WWOX: variants seen among roughly 807,000 people sequenced by gnomAD.
WWOX encodes the protein WW domain-containing oxidoreductase.
A neutral mutation model predicts 46.2 loss-of-function variants in WWOX; 69 were observed. The observed-to-expected ratio is 1.49, with a 90% confidence interval of 1.23 to 1.82. WWOX has a LOEUF of 1.82. Ranked by LOEUF, WWOX falls within the 40% of genes most tolerant of loss-of-function variation. The probability of loss-of-function intolerance (pLI) is 0.00; values close to 1 mark genes in which losing one functional copy is unlikely to be tolerated. For synonymous variants in WWOX, 359 were observed against 202.6 expected, an observed-to-expected ratio of 1.77 and a Z score of -6.56; for missense variants, 919 against 542.6, an observed-to-expected ratio of 1.69 and a Z score of -6.89.
intron 8 of WWOX, among the ~76,000 whole-genome samples, chr16:78,710,661 C>T (rs2048426079): frequency 6.6e-6 from 1 of 150,510 alleles, no homozygotes; most frequent in Non-Finnish European, 1.5e-5. Context: ...GTCACTCAGG[C>T]TGGAGTGCAG....
chr16:79,140,572 C>G (rs1169589051), intron 8 of WWOX, among the ~76,000 whole-genome samples: 1 of 152,180 alleles, frequency 6.6e-6, no homozygotes, highest in Non-Finnish European at 1.5e-5. Flanking sequence ...AAACCTCTCT[C>G]AGCATTGACC....
intron 8 of WWOX, among the ~76,000 whole-genome samples, chr16:78,773,993 C>G (rs73573786): frequency 7.9e-5 from 12 of 152,320 alleles, no homozygotes; most frequent in Admixed American, 2.6e-4. Context: ...CTCTTTCACA[C>G]TGTTTAAAGA....
At chr16:79,169,366 G>A (rs547186108) in intron 8 of WWOX, among the ~76,000 whole-genome samples, 3 of 152,312 alleles carry the variant, frequency 2.0e-5, no homozygotes, top group Admixed American at 6.5e-5. Context: ...CAACAACTGC[G>A]TGGCTGCCTG....
intron 8 of WWOX, among the ~76,000 whole-genome samples, chr16:78,460,046 A>G (rs760590550): frequency 1.4e-4 from 22 of 151,892 alleles, no homozygotes; most frequent in African/African-American, 7.3e-5. Flanking sequence ...GGCTCAAGCA[A>G]TCCGCCCACC....
chr16:79,050,863 C>G (rs192726960), intron 8 of WWOX, among the ~76,000 whole-genome samples: 1 of 152,120 alleles, frequency 6.6e-6, no homozygotes, highest in African/African-American at 2.4e-5. Flanking sequence ...TGAGCTTTAC[C>G]AGGTGAGCTG....
intron 8 of WWOX, among the ~76,000 whole-genome samples, chr16:79,036,388 C>T (rs886735080): frequency 6.6e-6 from 1 of 152,198 alleles, no homozygotes; most frequent in South Asian, 2.1e-4. Flanking sequence ...AATTTAAGTC[C>T]CATTCTTGCC....
chr16:78,572,050 C>G (rs975063559), intron 8 of WWOX, among the ~76,000 whole-genome samples: 1 of 152,132 alleles, frequency 6.6e-6, no homozygotes, highest in African/African-American at 2.4e-5. Context: ...TAAAGTAGTA[C>G]TTAGCAACTT....
intron 8 of WWOX, among the ~76,000 whole-genome samples, chr16:78,723,151 G>A (rs11150097): frequency 0.65 from 99,196 of 152,142 alleles, 34,266 homozygotes; most frequent in African/African-American, 0.9. Context: ...CTGGCCTGCC[G>A]CTTGTGTTCG....
intron 5 of WWOX, among the ~76,000 whole-genome samples, chr16:78,378,528 C>T (rs543166984): frequency 5.4e-4 from 82 of 152,284 alleles, no homozygotes; most frequent in Middle Eastern, 3.4e-3. Flanking sequence ...TATGAAGTCC[C>T]ACATATGATA....
intron 8 of WWOX, among the ~76,000 whole-genome samples, chr16:78,482,337 T>A (rs2084515481): frequency 6.6e-6 from 1 of 152,132 alleles, no homozygotes; most frequent in African/African-American, 2.4e-5. Context: ...TTCTCCTTCC[T>A]CGGCCTCCGT....
intron 8 of WWOX, among the ~76,000 whole-genome samples, chr16:78,814,924 C>A (rs549945965): frequency 6.6e-6 from 1 of 152,190 alleles, no homozygotes; most frequent in African/African-American, 2.4e-5. Flanking sequence ...GGCCTGGAAG[C>A]TGACCATAGT....
In WWOX at chr16:78,347,358, C is replaced by T. The variant is rs370206632; in HGVS notation, c.517-39502C>T. 4.2e-4 allele frequency among the ~76,000 whole-genome samples: 49 copies of T among 117,938 alleles called. 10 individuals are homozygous for T. The highest frequency in any genetic ancestry group is 1.4e-3 in the African/African-American group (47 of 34,694). The allele number at this position is 117,938 out of a possible 152,430, so 77.4% of individuals were successfully genotyped here. On this transcript the variant is annotated intron_variant, in intron 5 of 8. Coordinates refer to ENST00000566780, the MANE Select transcript of WWOX (RefSeq NM_016373.4). The stretch of plus-strand genomic sequence containing the variant: ...TCCATTCCAATATGACTCCTGTATC[C>T]ATATGTCTAGTTCCAAGTATCTGTC...
chr16:78,896,344 G>T (rs1194591594), intron 8 of WWOX: 1 of 152,132 alleles, frequency 6.6e-6, no homozygotes, highest in African/African-American at 2.4e-5. Flanking sequence ...ACCACTTGGT[G>T]TTTACAAAGT....
intron 8 of WWOX, among the ~76,000 whole-genome samples, chr16:79,102,677 C>A (rs2049225584): frequency 6.6e-6 from 1 of 151,848 alleles, no homozygotes; most frequent in African/African-American, 2.4e-5. Flanking sequence ...ATATAATAGC[C>A]ACTGCATAAA....
chr16:78,263,110 C>T (rs1298888152), intron 5 of WWOX, among the ~76,000 whole-genome samples: 5 of 152,146 alleles, frequency 3.3e-5, no homozygotes, highest in African/African-American at 1.2e-4. Context: ...AAACATGGTG[C>T]GTGCCTGTAA....
rs2046357473 is a variant in WWOX at position 78,628,453 on chromosome 16, C to A, written c.1056+195701C>A. On this transcript the variant is annotated intron_variant, in intron 8 of 8. Coordinates refer to ENST00000566780, the MANE Select transcript of WWOX (RefSeq NM_016373.4). ...GAGAATCAGTATTTCTATCAAGCTC[C>A]CAAGGGGACCTGATATATACATGGA... Among the ~76,000 whole-genome samples, 3 of 152,086 alleles carry A rather than the reference C, an allele frequency of 2.0e-5. No individual in the cohort carries two copies. In the South Asian group the frequency reaches 6.2e-4, roughly 32 times the overall value.
intron 8 of WWOX, among the ~76,000 whole-genome samples, chr16:78,630,622 T>C (rs1326861809): frequency 6.6e-6 from 1 of 152,192 alleles, no homozygotes; most frequent in Non-Finnish European, 1.5e-5. Context: ...ATCTTGTACC[T>C]GGTTTTCTCC....
chr16:78,628,410 T>C (rs1225384211), intron 8 of WWOX, among the ~76,000 whole-genome samples: 1 of 152,144 alleles, frequency 6.6e-6, no homozygotes, highest in Non-Finnish European at 1.5e-5. Context: ...GGTCTGGGGT[T>C]GGGGGATTGT....
intron 6 of WWOX, among the ~76,000 whole-genome samples, chr16:78,397,435 G>A (rs969375658): frequency 1.3e-5 from 2 of 152,122 alleles, no homozygotes; most frequent in Non-Finnish European, 2.9e-5. Flanking sequence ...GGTTCAGCCT[G>A]GTGCAATGAT....
Sources: allele counts gnomAD v4.1 joint callset (sites outside exome capture counted in the v4.1 genomes callset), GRCh38; gene constraint gnomAD v4.1.1; transcripts MANE v1.5; gene names NCBI Gene and HGNC (gene_info 2026-07-23, HGNC 2026-07-21).